The following EYS variants were observed in gnomAD, a reference collection of about 807,000 sequenced individuals.
EYS encodes protein eyes shut homolog.
A neutral mutation model predicts 282.1 loss-of-function variants in EYS; 250 were observed. That is an observed-to-expected ratio of 0.89 (90% CI 0.80 to 0.98). EYS has a LOEUF of 0.98. Among genes scored for constraint, EYS ranks in the 50% least tolerant of loss-of-function variants. EYS has a pLI of 0.00. For missense variants in EYS, 4,016 were observed against 3,709.0 expected, an observed-to-expected ratio of 1.08 and a Z score of -2.15; for synonymous variants, 1,355 against 1,282.9, an observed-to-expected ratio of 1.06 and a Z score of -1.20.
intron 8 of EYS, among the ~76,000 whole-genome samples, chr6:65,377,813 T>C (rs34095247): frequency 0.41 from 62,735 of 151,734 alleles, 13,952 homozygotes; most frequent in South Asian, 0.5. Flanking sequence ...TTCCTGGACA[T>C]ATACATCCTC....
chr6:64,574,721 G>T (rs1765827893), intron 26 of EYS, among the ~76,000 whole-genome samples: 1 of 152,062 alleles, frequency 6.6e-6, no homozygotes, highest in African/African-American at 2.4e-5. Context: ...AAAATTGGGG[G>T]CATAATTCCT....
chr6:63,801,718 A>G (rs1770786179), intron 37 of EYS, among the ~76,000 whole-genome samples: 1 of 152,208 alleles, frequency 6.6e-6, no homozygotes, highest in African/African-American at 2.4e-5. Context: ...TCATAAGTCA[A>G]AGGGACATTT....
chr6:63,842,992 C>T (rs768528978), intron 36 of EYS, among the ~76,000 whole-genome samples: 1 of 152,092 alleles, frequency 6.6e-6, no homozygotes, highest in Non-Finnish European at 1.5e-5. Context: ...CAGTACCATG[C>T]TGTTTTGGTT....
intron 26 of EYS, among the ~76,000 whole-genome samples, chr6:64,483,903 CACATAG>C (rs1338779030): frequency 6.6e-6 from 1 of 151,640 alleles, no homozygotes; most frequent in Non-Finnish European, 1.5e-5. Context: ...TTATTCATGA[CACATAG>C]ACATAGATTA....
intron 12 of EYS, among the ~76,000 whole-genome samples, chr6:65,067,419 T>C (rs1262070122): frequency 2.0e-5 from 3 of 152,066 alleles, no homozygotes; most frequent in South Asian, 2.1e-4. Flanking sequence ...CATCACAAAA[T>C]TGACAAACAC....
intron 26 of EYS, among the ~76,000 whole-genome samples, chr6:64,466,557 A>C (rs1243738276): frequency 6.6e-6 from 1 of 152,168 alleles, no homozygotes; most frequent in East Asian, 1.9e-4. Context: ...TGTTGAACTC[A>C]TAAGAAACAG....
chr6:64,566,358 T>A (rs1462010561), intron 26 of EYS, among the ~76,000 whole-genome samples: 2 of 152,156 alleles, frequency 1.3e-5, no homozygotes, highest in African/African-American at 4.8e-5. Flanking sequence ...CTGAGAAAGT[T>A]TACAAACAGT....
intron 2 of EYS, among the ~76,000 whole-genome samples, chr6:65,552,353 A>T (rs1357495473): frequency 6.6e-6 from 1 of 152,236 alleles, no homozygotes; most frequent in African/African-American, 2.4e-5. Context: ...CCACTAACTA[A>T]GAAATAAACA....
intron 31 of EYS, among the ~76,000 whole-genome samples, chr6:64,174,187 A>C (rs2150308524): frequency 6.6e-6 from 1 of 152,246 alleles, no homozygotes; most frequent in Admixed American, 6.5e-5. Context: ...CTGGCCAATA[A>C]GAGCAAAGTC....
intron 22 of EYS, among the ~76,000 whole-genome samples, chr6:64,734,772 A>G (rs1427025020): frequency 6.6e-6 from 1 of 152,196 alleles, no homozygotes; most frequent in African/African-American, 2.4e-5. Context: ...AGGAAGGGGT[A>G]TTACTGTGCC....
intron 18 of EYS, among the ~76,000 whole-genome samples, chr6:64,893,582 C>A (rs1767359089): frequency 6.6e-6 from 1 of 151,876 alleles, no homozygotes; most frequent in Admixed American, 6.6e-5. Flanking sequence ...TCAAATGTGA[C>A]TACTTCATTT....
chr6:64,741,236 T>G (rs1301419194), intron 22 of EYS, among the ~76,000 whole-genome samples: 1 of 152,116 alleles, frequency 6.6e-6, no homozygotes, highest in Non-Finnish European at 1.5e-5. Flanking sequence ...CTTGTACATC[T>G]CCATCAGAGC....
chr6:63,727,737 A>AAAATATATATAT (rs1554164607), intron 41 of EYS, among the ~76,000 whole-genome samples: 5 of 36,728 alleles, frequency 1.4e-4, no homozygotes, highest in African/African-American at 2.7e-4. Context: ...AAAAAAAAAA[A>AAAATATATATAT]ATATATATAT....
At chr6:64,534,585 T>C (rs918383583) in intron 26 of EYS, among the ~76,000 whole-genome samples, 1 of 152,198 alleles carries the variant, frequency 6.6e-6, no homozygotes, top group Non-Finnish European at 1.5e-5. Context: ...ATGTACTTTC[T>C]TGTCATTGCT....
intron 12 of EYS, 191 bp downstream of exon 12, chr6:65,295,672 G>A (rs1768640089): frequency 1.7e-6 from 1 of 592,970 alleles, no homozygotes; most frequent in East Asian, 2.9e-5. Context: ...TGTGTAGTCA[G>A]ATTAAATTGC....
At chr6:64,334,117 A>G (rs926577756) in intron 29 of EYS, among the ~76,000 whole-genome samples, 7 of 152,226 alleles carry the variant, frequency 4.6e-5, no homozygotes, top group South Asian at 2.1e-4. Context: ...AACACAATGA[A>G]GAAGCTTTAT....
chr6:63,767,748 A>T, intron 40 of EYS, among the ~76,000 whole-genome samples: 1 of 152,130 alleles, frequency 6.6e-6, no homozygotes, highest in Non-Finnish European at 1.5e-5. Flanking sequence ...TGGAAACAAA[A>T]AAGAGGCTAA....
intron 35 of EYS, among the ~76,000 whole-genome samples, chr6:63,890,338 A>G (rs1276070913): frequency 1.3e-5 from 2 of 152,218 alleles, no homozygotes; most frequent in Non-Finnish European, 1.5e-5. Flanking sequence ...AATTGACCAC[A>G]TAATTGGAAG....
chr6:64,708,380 C>G (rs1375446468), intron 22 of EYS, among the ~76,000 whole-genome samples: 1 of 152,180 alleles, frequency 6.6e-6, no homozygotes, highest in Non-Finnish European at 1.5e-5. Flanking sequence ...TTAAATAATT[C>G]AGACCCAAAT....
Sources: allele counts gnomAD v4.1 joint callset (sites outside exome capture counted in the v4.1 genomes callset), GRCh38; gene constraint gnomAD v4.1.1; transcripts MANE v1.5; gene names NCBI Gene and HGNC (gene_info 2026-07-23, HGNC 2026-07-21).